SERHL2: variants seen among roughly 807,000 people sequenced by gnomAD.
SERHL2 encodes the protein serine hydrolase-like protein 2.
SERHL2 carries 29 observed loss-of-function variants against 25.5 expected under a neutral mutation model. The ratio of observed to expected loss-of-function variants is 1.14; its 90% CI spans 0.85 to 1.55. The LOEUF is 1.55. Ranked by LOEUF, SERHL2 falls within the 40% of genes most tolerant of loss-of-function variation. The probability of loss-of-function intolerance (pLI) is 0.00; values close to 1 mark genes in which losing one functional copy is unlikely to be tolerated. For missense variants in SERHL2, 240 were observed against 252.3 expected (o/e 0.95, Z 0.33); for synonymous variants, 95 against 103.5 (o/e 0.92, Z 0.50).
chr22:42,564,961 C>CGCGT (rs1280115231), intron 8 of SERHL2: 12 of 143,488 alleles, frequency 8.4e-5, no homozygotes, highest in African/African-American at 3.3e-4. Context: ...CCATGCTCGG[C>CGCGT]GCGCGCGTGT....
At position 42,553,990 on chromosome 22, in the gene SERHL2, G is replaced by C. The variant is rs1921906513; in HGVS notation, c.-31G>C. On this transcript the variant is annotated 5_prime_UTR_variant, in exon 1 of 12. Transcript: ENST00000327678. Reference sequence around the variant, plus strand: ...CTGCGACCTAGCCAGGCGTGAGGGAGTGACAGCAGCGCATTCGCGGGACGA... The same window carrying C: ...CTGCGACCTAGCCAGGCGTGAGGGACTGACAGCAGCGCATTCGCGGGACGA... 6.2e-7 allele frequency: 1 copy of C among 1,613,082 alleles called. No individual in the cohort carries two copies. Among genetic ancestry groups the C allele is most frequent in the South Asian group, 1.1e-5 (1 of 91,008 alleles).
At chr22:42,571,843 A>ACT in intron 10 of SERHL2, 1 of 150,994 alleles carries the variant, frequency 6.6e-6, no homozygotes, top group Admixed American at 6.7e-5. Context: ...TACGTGTTGT[A>ACT]TGGCTGCATT....
intron 10 of SERHL2, among the ~76,000 whole-genome samples, 177 bp from the exon 11 acceptor site, chr22:42,572,259 G>A (rs1368390744): frequency 6.6e-6 from 1 of 152,050 alleles, no homozygotes; most frequent in African/African-American, 2.4e-5. Context: ...AGCTGAGCAT[G>A]AGCTGAGATT....
intron 11 of SERHL2, among the ~76,000 whole-genome samples, chr22:42,573,006 A>G (rs1490284428): frequency 6.6e-6 from 1 of 151,796 alleles, no homozygotes; most frequent in Non-Finnish European, 1.5e-5. Context: ...ACCACAGCAG[A>G]ATACCCGACT....
At chr22:42,565,531 G>A (rs1357450171) in intron 8 of SERHL2, among the ~76,000 whole-genome samples, 2 of 151,698 alleles carry the variant, frequency 1.3e-5, no homozygotes, top group Non-Finnish European at 2.9e-5. Context: ...TAACCATATT[G>A]CCCAGGCTGG....
rs185081200 is a variant in SERHL2 at position 42,572,435 on chromosome 22, G to T, written c.732-1G>T. On this transcript the variant is annotated splice_acceptor_variant, in intron 10 of 11. Coordinates refer to ENST00000327678, the MANE Select transcript of SERHL2 (RefSeq NM_014509.5). LOFTEE classifies it high-confidence loss of function. The stretch of plus-strand genomic sequence containing the variant: ...ACAACCCCCAACTCCTCACTTTCCA[G>T]AGCAGTCCACGGATATTTTGATTCA... The T allele has an allele frequency of 6.8e-6, 11 of 1,607,572 alleles. No homozygotes were observed. In the Admixed American group the frequency reaches 1.7e-4, roughly 24 times the overall value.
chr22:42,569,004 C>G (rs553852107), intron 9 of SERHL2: 2 of 151,776 alleles, frequency 1.3e-5, no homozygotes, highest in Non-Finnish European at 2.9e-5. Flanking sequence ...GCCTCAACCT[C>G]CCAAGTAGCT....
At chr22:42,554,537 G>T (rs1921996607) in intron 1 of SERHL2, among the ~76,000 whole-genome samples, 1 of 152,184 alleles carries the variant, frequency 6.6e-6, no homozygotes, top group Non-Finnish European at 1.5e-5. Flanking sequence ...AAAGGCTTAG[G>T]AAACGGGCTG....
intron 8 of SERHL2, among the ~76,000 whole-genome samples, chr22:42,562,196 C>T (rs1033758949): frequency 6.6e-6 from 1 of 151,830 alleles, no homozygotes; most frequent in Non-Finnish European, 1.5e-5. Context: ...ACCCCCCACC[C>T]AGTGCCTCAA....
intron 9 of SERHL2, among the ~76,000 whole-genome samples, chr22:42,567,508 C>T (rs1254799183): frequency 6.6e-6 from 1 of 150,942 alleles, no homozygotes; most frequent in African/African-American, 2.4e-5. Flanking sequence ...ACTAAAAATG[C>T]AAAAAATTAG....
intron 8 of SERHL2, among the ~76,000 whole-genome samples, chr22:42,563,899 C>T (rs983719257): frequency 6.6e-6 from 1 of 151,654 alleles, no homozygotes; most frequent in Non-Finnish European, 1.5e-5. Context: ...CATGGAGAAA[C>T]CCCGTCTCTA....
chr22:42,560,407 T>C, intron 8 of SERHL2, 142 bp downstream of exon 8: 1 of 665,226 alleles, frequency 1.5e-6, no homozygotes, highest in South Asian at 1.7e-5. Flanking sequence ...CTCACCCTCA[T>C]CCCATTTAGA....
intron 8 of SERHL2, among the ~76,000 whole-genome samples, chr22:42,564,510 C>T (rs1173560012): frequency 1.3e-5 from 2 of 151,610 alleles, no homozygotes; most frequent in Non-Finnish European, 2.9e-5. Context: ...CGGCTCACCG[C>T]AACCTCCACC....
At chr22:42,573,120 A>G (rs1189373392) in intron 11 of SERHL2, 2 of 151,696 alleles carry the variant, frequency 1.3e-5, no homozygotes, top group Admixed American at 6.6e-5. Flanking sequence ...ATGGTCACCT[A>G]CCCGGGAACA....
At chr22:42,567,010 T>TG (rs1923482143) in intron 9 of SERHL2, among the ~76,000 whole-genome samples, 1 of 152,002 alleles carries the variant, frequency 6.6e-6, no homozygotes, top group Admixed American at 6.6e-5. Context: ...AGCCAAGCCC[T>TG]GGGCCTGCCT....
intron 1 of SERHL2, among the ~76,000 whole-genome samples, 187 bp downstream of exon 1, chr22:42,554,229 C>T (rs1413260905): frequency 4.6e-5 from 7 of 152,118 alleles, no homozygotes; most frequent in South Asian, 2.1e-4. Context: ...GGGACACGGC[C>T]GCACGTGGCC....
At chr22:42,570,813 C>G (rs1190014583) in intron 9 of SERHL2, among the ~76,000 whole-genome samples, 2 of 152,160 alleles carry the variant, frequency 1.3e-5, no homozygotes, top group East Asian at 3.9e-4. Flanking sequence ...AGAAGTGGCC[C>G]AACTCACTTC....
At chr22:42,559,508 T>C (rs1922399494) in intron 7 of SERHL2, among the ~76,000 whole-genome samples, 1 of 151,684 alleles carries the variant, frequency 6.6e-6, no homozygotes, top group Non-Finnish European at 1.5e-5. Flanking sequence ...GAGAACATCA[T>C]GGCTAAGATG....
chr22:42,554,077 G>A (rs1555994890), intron 1 of SERHL2, 35 bp downstream of exon 1: 1 of 1,610,216 alleles, frequency 6.2e-7, no homozygotes, highest in Non-Finnish European at 8.5e-7. Flanking sequence ...GCGTCCCACT[G>A]CCCACCCACC....
Sources: gnomAD v4.1 joint callset for allele counts (sites outside exome capture counted in the v4.1 genomes callset) on GRCh38, gnomAD v4.1.1 for gene constraint, MANE v1.5 for transcripts, NCBI Gene and HGNC (gene_info 2026-07-23, HGNC 2026-07-21) for gene names.